GOLGA2: variants seen among roughly 807,000 people sequenced by gnomAD.
GOLGA2 encodes the protein golgin A2.
Under a neutral mutation model 148.8 loss-of-function variants are expected in GOLGA2, and 49 were observed. The ratio of observed to expected loss-of-function variants is 0.33; its 90% CI spans 0.26 to 0.42. GOLGA2 has a LOEUF of 0.42. GOLGA2 is among the 10% of genes least tolerant of loss of function. The probability of loss-of-function intolerance (pLI) is 1.00; values close to 1 mark genes in which losing one functional copy is unlikely to be tolerated. For synonymous variants in GOLGA2, 501 were observed against 511.8 expected (o/e 0.98, Z 0.28); for missense variants, 1,178 against 1,304.6 (o/e 0.90, Z 1.49).
At position 128,259,285 on chromosome 9, in the gene GOLGA2, T is replaced by G. The variant is rs1830105364; in HGVS notation, c.1979A>C (p.Lys660Thr). 6.2e-7 allele frequency: 1 copy of G among 1,611,166 alleles called. No individual in the cohort carries two copies. Among genetic ancestry groups the G allele is most frequent in the Non-Finnish European group, 8.5e-7 (1 of 1,178,676 alleles). ...CAGTAGCTGATTATGCAGCACCTCC[T>G]TCTCAGAGGTCAGCTGCTGATAGGC... ...VAAYQQLTSE[K>T]EVLHNQLLLQ... Residue 660 changes from lysine (K) to threonine (T), a missense_variant, in exon 20 of 27, where the codon AAG (lysine) becomes ACG (threonine). This residue lies in a region of GOLGA2 where 529 missense variants were observed against 521.8 expected (regional missense o/e 1.01). Transcript: ENST00000611957.
chr9:128,272,468 G>A (rs1778441922), intron 3 of GOLGA2, among the ~76,000 whole-genome samples: 1 of 150,540 alleles, frequency 6.6e-6, no homozygotes, highest in Admixed American at 6.6e-5. Flanking sequence ...TGGGCAGTGA[G>A]ACTCCGTCTC....
Position 128,259,403 on chromosome 9 carries a change from C to G in GOLGA2, c.1873-12G>C, listed in dbSNP as rs1387801129. ...CTCTTCAGCTCCACCTGTAGGAAGA[C>G]CCTGGGCGTGAGGGCAGGTGGTGGC... On this transcript the variant is annotated splice_polypyrimidine_tract_variant and intron_variant, in intron 19 of 26. Coordinates refer to ENST00000611957, the MANE Select transcript of GOLGA2 (RefSeq NM_001366244.2). 6.5e-7 allele frequency: 1 copy of G among 1,545,128 alleles called. No individual in the cohort carries two copies.
chr9:128,263,138 C>T (rs549062399), intron 12 of GOLGA2, 46 bp from the exon 13 acceptor site: 2 of 1,246,322 alleles, frequency 1.6e-6, no homozygotes, highest in Admixed American at 3.4e-5. Flanking sequence ...GGCAGAGGAG[C>T]AGCTGGCCAA....
In GOLGA2 at chr9:128,257,343, C is replaced by A; in HGVS notation, c.2875+26G>T. 1.2e-6 allele frequency: 2 copies of A among 1,613,022 alleles called. No individual in the cohort carries two copies. The highest frequency in any genetic ancestry group is 1.1e-5 in the South Asian group (1 of 91,024). On this transcript the variant is annotated intron_variant, in intron 26 of 26. Coordinates refer to ENST00000611957, the MANE Select transcript of GOLGA2 (RefSeq NM_001366244.2). The surrounding 1 kb of genome is among the most constrained non-coding windows in gnomAD (Gnocchi z 8.0). Reference sequence around the variant, plus strand: ...CGAGCCCTCCCTTACTCCTGCCTGCCCACCCCTCCCGAGGGCTCTACTCAC... The same window carrying A: ...CGAGCCCTCCCTTACTCCTGCCTGCACACCCCTCCCGAGGGCTCTACTCAC...
At position 128,256,805 on chromosome 9, in the gene GOLGA2, C is replaced by G. The variant is rs1307713735; in HGVS notation, c.*262G>C. 3.4e-6 allele frequency: 1 copy of G among 290,400 alleles called. No homozygotes were observed. Among genetic ancestry groups the G allele is most frequent in the Admixed American group, 4.8e-5 (1 of 20,670 alleles). The allele number at this position is 290,400 out of a possible 1,614,324, so 18.0% of individuals were successfully genotyped here. A position where few individuals can be genotyped will look rare whatever the true frequency, so the allele number is the denominator to read the frequency against. On this transcript the variant is annotated 3_prime_UTR_variant, in exon 27 of 27. Coordinates refer to ENST00000611957, the MANE Select transcript of GOLGA2 (RefSeq NM_001366244.2). The stretch of plus-strand genomic sequence containing the variant: ...CACTGCACCTGGCCTTTTTTCATAA[C>G]TTTTATACCATAAGTTACCCATAAC...
At chr9:128,262,821 G>A in intron 13 of GOLGA2, 117 bp from the exon 14 acceptor site, 2 of 997,732 alleles carry the variant, frequency 2.0e-6, no homozygotes, top group Admixed American at 4.1e-5. Context: ...AGGAACCCCA[G>A]GAATCAAAAG....
chr9:128,265,284 C>G (rs949305081), intron 12 of GOLGA2, among the ~76,000 whole-genome samples: 1 of 152,216 alleles, frequency 6.6e-6, no homozygotes, highest in Non-Finnish European at 1.5e-5. Context: ...TGTACCTTCA[C>G]AGTACAAGTA....
In GOLGA2 at chr9:128,257,129, G is replaced by A. The variant is rs748655766; in HGVS notation, c.3028C>T (p.Pro1010Ser). The stretch of plus-strand genomic sequence containing the variant: ...GCCCGGTAAAAAAAAGGAATGCAGG[G>A]GTTGCTGCCCAAGCCTGGGCGCTCC... The part of the protein sequence containing the change: ...PRERPGLGSN[P>S]CIPFFYRADE... The change falls in exon 27 of 27, where the codon CCC becomes TCC. Residue 1010 changes from proline (P) to serine (S), a missense_variant. Physicochemically the swap from Pro to Ser is moderately conservative, Grantham distance 74. This residue lies in a region of GOLGA2 where 149 missense variants were observed against 154.9 expected (regional missense o/e 0.96). Coordinates refer to ENST00000611957, the MANE Select transcript of GOLGA2 (RefSeq NM_001366244.2). This position sits in a 1 kb window ranked among gnomAD's most constrained non-coding sequence, Gnocchi z 8.0. 4 of 1,614,024 alleles carry A rather than the reference G, an allele frequency of 2.5e-6. No homozygotes were observed. The highest frequency in any genetic ancestry group is 3.3e-5 in the Admixed American group (2 of 60,004).
chr9:128,263,102 C>A lies in GOLGA2; in HGVS notation c.934-10G>T. ...TTAACTCCTTGTTGTACTGTAAATA[C>A]AGAAAGGTTAAGTCAGGATATAGCA... On this transcript the variant is annotated splice_polypyrimidine_tract_variant and intron_variant, in intron 12 of 26. Coordinates refer to ENST00000611957, the MANE Select transcript of GOLGA2 (RefSeq NM_001366244.2). The A allele has an allele frequency of 1.9e-6, 3 of 1,597,524 alleles. No individual in the cohort carries two copies. The highest frequency in any genetic ancestry group is 2.6e-6 in the Non-Finnish European group (3 of 1,165,244).
At position 128,265,614 on chromosome 9, in the gene GOLGA2, C is replaced by G; in HGVS notation, c.904G>C (p.Val302Leu). 6.2e-7 allele frequency: 1 copy of G among 1,613,538 alleles called. No individual in the cohort carries two copies. The highest frequency in any genetic ancestry group is 8.5e-7 in the Non-Finnish European group (1 of 1,179,756). ...VGELERALSA[V>L]STQQKKADRY... is the part of the protein sequence containing the mutation. Reference sequence around the variant, plus strand: ...TCTGCCTTCTTCTGCTGCGTGGAGACAGCAGAGAGAGCCCGCTCCAACTCT... The same window carrying G: ...TCTGCCTTCTTCTGCTGCGTGGAGAGAGCAGAGAGAGCCCGCTCCAACTCT... Residue 302 changes from valine to leucine, a missense_variant, in exon 12 of 27, where the codon GTC (valine) becomes CTC (leucine). By Grantham distance (32) the Val-to-Leu change is conservative. This residue lies in a region of GOLGA2 where 304 missense variants were observed against 404.1 expected (regional missense o/e 0.75). Transcript: ENST00000611957.
rs1376817969 is a variant in GOLGA2, at chr9:128,266,704, CAG to C, written c.643-381_643-380del. The C allele has an allele frequency of 5.4e-6, 2 of 371,426 alleles. No homozygotes were observed. The highest frequency in any genetic ancestry group is 9.8e-6 in the Non-Finnish European group (2 of 204,296). 23.0% of individuals were successfully genotyped at this position (371,426 alleles called of 1,614,324 possible). A position where few individuals can be genotyped will look rare whatever the true frequency, so the allele number is the denominator to read the frequency against. ...GGTTCTTAATAGCAGGGATACCAGACAGAAAAAGACAGACAGGAGCCCTTGGC... is the reference window on the plus strand; with the variant it reads ...GGTTCTTAATAGCAGGGATACCAGACAAAAAGACAGACAGGAGCCCTTGGC... On this transcript the variant is annotated intron_variant, in intron 8 of 26. Coordinates refer to ENST00000611957, the MANE Select transcript of GOLGA2 (RefSeq NM_001366244.2). The surrounding 1 kb of genome is among the most constrained non-coding windows in gnomAD (Gnocchi z 4.2).
In GOLGA2 at chr9:128,265,831, C is replaced by A; in HGVS notation, c.783G>T (p.Gln261His). 1 of 1,614,052 alleles carries A rather than the reference C, an allele frequency of 6.2e-7. No individual in the cohort carries two copies. Among genetic ancestry groups the A allele is most frequent in the Non-Finnish European group, 8.5e-7 (1 of 1,179,890 alleles). The change falls in exon 11 of 27, where the codon CAG (glutamine) becomes CAT (histidine). Residue 261 changes from glutamine (Q) to histidine (H), a missense_variant. This residue lies in a region of GOLGA2 where 304 missense variants were observed against 404.1 expected (regional missense o/e 0.75). Coordinates refer to ENST00000611957, the MANE Select transcript of GOLGA2 (RefSeq NM_001366244.2). ...GILVSEKAEL[Q>H]TALAHTQHAA... Reference sequence around the variant, plus strand: ...CATGCTGAGTGTGAGCCAGGGCTGTCTGTAACTCAGCTTTCTCTGATACGA... The same window carrying A: ...CATGCTGAGTGTGAGCCAGGGCTGTATGTAACTCAGCTTTCTCTGATACGA...
At chr9:128,263,208 T>G (rs766983127) in intron 12 of GOLGA2, 116 bp from the exon 13 acceptor site, 16 of 733,046 alleles carry the variant, frequency 2.2e-5, no homozygotes, top group Non-Finnish European at 5.0e-6. Context: ...TCAATCACAC[T>G]TGACATGTTT....
rs1830024660 is a variant in GOLGA2, at chr9:128,258,202, C to T, written c.2290-4G>A. The T allele has an allele frequency of 6.3e-7, 1 of 1,579,630 alleles. No homozygotes were observed. Among genetic ancestry groups the T allele is most frequent in the Non-Finnish European group, 8.6e-7 (1 of 1,163,910 alleles). On this transcript the variant is annotated splice_polypyrimidine_tract_variant and splice_region_variant and intron_variant, in intron 22 of 26. Coordinates refer to ENST00000611957, the MANE Select transcript of GOLGA2 (RefSeq NM_001366244.2). This position sits in a 1 kb window ranked among gnomAD's most constrained non-coding sequence, Gnocchi z 6.6. The stretch of plus-strand genomic sequence containing the variant: ...CAGCTGAGTTGAAAAATGCCACCTG[C>T]AGGCAAGAGGGGTGCATTCTTGTAG...
intron 12 of GOLGA2, among the ~76,000 whole-genome samples, chr9:128,265,331 G>A (rs1351130234): frequency 2.0e-5 from 3 of 152,196 alleles, no homozygotes; most frequent in Non-Finnish European, 4.4e-5. Flanking sequence ...CAAGGCCACA[G>A]CCAGGTAACG....
Position 128,260,356 on chromosome 9 carries a change from C to A in GOLGA2, c.1758+109G>T. Reference sequence around the variant, plus strand: ...GCAGGGCTCTGGCTCACAGATGCCTCCAGAAGTACCATTTCAAGTGAGGGC... The same window carrying A: ...GCAGGGCTCTGGCTCACAGATGCCTACAGAAGTACCATTTCAAGTGAGGGC... On this transcript the variant is annotated intron_variant, in intron 18 of 26. Transcript: ENST00000611957. The surrounding 1 kb of genome is among the most constrained non-coding windows in gnomAD (Gnocchi z 4.8). 3.6e-6 allele frequency: 4 copies of A among 1,109,122 alleles called. No individual in the cohort carries two copies. Among genetic ancestry groups the A allele is most frequent in the Non-Finnish European group, 4.0e-6 (3 of 742,150 alleles). The allele number at this position is 1,109,122 out of a possible 1,614,324, so 68.7% of individuals were successfully genotyped here. A position where few individuals can be genotyped will look rare whatever the true frequency, so the allele number is the denominator to read the frequency against.
chr9:128,271,310 G>A lies in GOLGA2; in HGVS notation c.288+1475C>T, dbSNP rs978094525. Among the ~76,000 whole-genome samples the A allele has an allele frequency of 2.0e-5, 3 of 152,180 alleles. No homozygotes were observed. The highest frequency in any genetic ancestry group is 4.4e-5 in the Non-Finnish European group (3 of 68,030). On this transcript the variant is annotated intron_variant, in intron 3 of 26. Transcript: ENST00000611957. This position sits in a 1 kb window ranked among gnomAD's most constrained non-coding sequence, Gnocchi z 4.4. ...CCTGGACAGACCTGATCAACTGGAG[G>A]GTAACAGGTATGAGACTGGACAACT... is the stretch of plus-strand genomic sequence containing the variant.
chr9:128,265,766 G>C lies in GOLGA2; in HGVS notation c.826+22C>G, dbSNP rs767655013. ...CTGTCAAAGTGCCAGGTTGAAGGAT[G>C]ATGGGGTGCCCAGATTCCCACCTTC... On this transcript the variant is annotated intron_variant, in intron 11 of 26. Coordinates refer to ENST00000611957, the MANE Select transcript of GOLGA2 (RefSeq NM_001366244.2). The C allele has an allele frequency of 3.7e-6, 6 of 1,611,620 alleles. No homozygotes were observed. The Admixed American group carries it at 5.0e-5, about 13-fold the overall frequency.
chr9:128,258,598 G>A lies in GOLGA2; in HGVS notation c.2174-28C>T. ...ATGGGGGTGGCCAGAGGGGTCATCA[G>A]ACAACCCAACAAGGGTACAGTGGGC... On this transcript the variant is annotated intron_variant, in intron 21 of 26. Transcript: ENST00000611957. This position sits in a 1 kb window ranked among gnomAD's most constrained non-coding sequence, Gnocchi z 6.6. 6 of 1,524,604 alleles carry A rather than the reference G, an allele frequency of 3.9e-6. No homozygotes were observed. The highest frequency in any genetic ancestry group is 5.3e-6 in the Non-Finnish European group (6 of 1,126,566). 94.4% of individuals were successfully genotyped at this position (1,524,604 alleles called of 1,614,324 possible).
Sources: allele counts gnomAD v4.1 joint callset (sites outside exome capture counted in the v4.1 genomes callset), GRCh38; gene constraint gnomAD v4.1.1; regional missense constraint gnomAD v4.1.1; non-coding constraint Gnocchi (gnomAD v3.1); transcripts MANE v1.5; gene names NCBI Gene and HGNC (gene_info 2026-07-23, HGNC 2026-07-21).